Variants in CCSER1 observed in about 807,000 individuals in gnomAD.
The protein encoded by CCSER1 is serine-rich coiled-coil domain-containing protein 1.
A neutral mutation model predicts 82.0 loss-of-function variants in CCSER1; 41 were observed. That is an observed-to-expected ratio of 0.50 (90% confidence interval 0.39 to 0.65). CCSER1 has a LOEUF of 0.65. CCSER1 is among the 30% of genes least tolerant of loss of function. CCSER1 has a pLI of 0.00. For synonymous variants in CCSER1, 414 were observed against 383.9 expected (o/e 1.08, Z -0.92); for missense variants, 1,119 against 1,064.2 (o/e 1.05, Z -0.72).
chr4:90,509,966 A>G (rs1771256583), intron 5 of CCSER1, among the ~76,000 whole-genome samples: 1 of 152,172 alleles, frequency 6.6e-6, no homozygotes, highest in Non-Finnish European at 1.5e-5. Context: ...CATAGTGATT[A>G]AATCTGTGTC....
intron 1 of CCSER1, among the ~76,000 whole-genome samples, chr4:90,264,809 TG>T (rs1414654439): frequency 2.0e-5 from 3 of 152,146 alleles, no homozygotes; most frequent in Non-Finnish European, 4.4e-5. Context: ...AAGGTTATCT[TG>T]ATGATTATGA....
chr4:91,212,291 G>T (rs1736880313), intron 10 of CCSER1, among the ~76,000 whole-genome samples: 1 of 151,826 alleles, frequency 6.6e-6, no homozygotes, highest in Non-Finnish European at 1.5e-5. Flanking sequence ...TTGTAAAATT[G>T]AGCTGTGCTC....
intron 9 of CCSER1, among the ~76,000 whole-genome samples, chr4:91,038,414 A>G (rs1470460052): frequency 1.3e-5 from 2 of 149,934 alleles, no homozygotes; most frequent in Non-Finnish European, 3.0e-5. Flanking sequence ...CTACAAATAA[A>G]CAATTAGCAA....
rs532078842 is a variant in CCSER1, at chr4:90,198,294, G to C, written c.-42+70463G>C. 5.5e-4 allele frequency among the ~76,000 whole-genome samples: 83 copies of C among 152,048 alleles called. 3 individuals are homozygous for C. In the South Asian group the frequency reaches 0.017, roughly 31 times the overall value. On this transcript the variant is annotated intron_variant, in intron 1 of 10. Transcript: ENST00000509176. ...CCCCTGGCAAATACTCCCCCATCCTGAGGCTATCCAGGCTATGCTGATTAG... is the reference window on the plus strand; with the variant it reads ...CCCCTGGCAAATACTCCCCCATCCTCAGGCTATCCAGGCTATGCTGATTAG...
At chr4:90,711,195 T>C (rs1740547683) in intron 6 of CCSER1, among the ~76,000 whole-genome samples, 1 of 152,184 alleles carries the variant, frequency 6.6e-6, no homozygotes, top group Non-Finnish European at 1.5e-5. Context: ...CCTGAGACTT[T>C]GCTGAAATTG....
At chr4:90,136,274 G>A (rs146933819) in intron 1 of CCSER1, among the ~76,000 whole-genome samples, 6 of 152,164 alleles carry the variant, frequency 3.9e-5, no homozygotes, top group African/African-American at 1.2e-4. Context: ...GATTGCATGA[G>A]CCTAGGAGTT....
chr4:91,351,699 T>C (rs1480607359), intron 10 of CCSER1, among the ~76,000 whole-genome samples: 4 of 152,120 alleles, frequency 2.6e-5, no homozygotes, highest in Admixed American at 6.5e-5. Flanking sequence ...CTCTTAAGAA[T>C]GAGAGAGAAT....
intron 8 of CCSER1, among the ~76,000 whole-genome samples, chr4:90,854,349 A>G (rs1764223577): frequency 6.6e-6 from 1 of 152,144 alleles, no homozygotes; most frequent in Non-Finnish European, 1.5e-5. Flanking sequence ...GTATAGATTT[A>G]CTCCAAGTAG....
intron 5 of CCSER1, among the ~76,000 whole-genome samples, chr4:90,471,294 G>A (rs1028739091): frequency 1.3e-5 from 2 of 151,850 alleles, no homozygotes; most frequent in African/African-American, 4.8e-5. Flanking sequence ...TAACCCCTGG[G>A]CACTGTGGCT....
chr4:91,079,940 G>C (rs7666626), intron 9 of CCSER1, among the ~76,000 whole-genome samples: 1 of 151,812 alleles, frequency 6.6e-6, no homozygotes, highest in South Asian at 2.1e-4. Flanking sequence ...ACCTAAAAAG[G>C]GACTTAGACT....
intron 8 of CCSER1, among the ~76,000 whole-genome samples, chr4:90,825,495 C>T (rs192175568): frequency 9.2e-5 from 14 of 152,094 alleles, no homozygotes; most frequent in South Asian, 4.1e-4. Flanking sequence ...AAATATATAA[C>T]GCATGTTCCT....
At chr4:90,223,949 A>G (rs948801373) in intron 1 of CCSER1, among the ~76,000 whole-genome samples, 8 of 152,344 alleles carry the variant, frequency 5.3e-5, no homozygotes, top group Admixed American at 2.6e-4. Flanking sequence ...TCATCTTTGT[A>G]TCTCAGTGCC....
chr4:91,271,391 T>G (rs1481635393), intron 10 of CCSER1, among the ~76,000 whole-genome samples: 1 of 152,096 alleles, frequency 6.6e-6, no homozygotes, highest in African/African-American at 2.4e-5. Context: ...CTGCACCCAG[T>G]TTGTAGTCTT....
chr4:90,856,592 G>A (rs999223730), intron 8 of CCSER1, among the ~76,000 whole-genome samples: 30 of 152,088 alleles, frequency 2.0e-4, no homozygotes, highest in African/African-American at 6.7e-4. Flanking sequence ...CATCTTCCCC[G>A]ACGTAAAAGA....
At chr4:90,882,362 A>G (rs1401185794) in intron 8 of CCSER1, among the ~76,000 whole-genome samples, 4 of 151,978 alleles carry the variant, frequency 2.6e-5, no homozygotes, top group African/African-American at 9.7e-5. Flanking sequence ...AAAGCACAAA[A>G]TTGTGAATAC....
intron 10 of CCSER1, among the ~76,000 whole-genome samples, chr4:91,363,735 A>G (rs182769044): frequency 6.6e-6 from 1 of 151,920 alleles, no homozygotes; most frequent in East Asian, 1.9e-4. Flanking sequence ...GAACACATTA[A>G]TTTAGATATG....
At chr4:90,580,509 A>G (rs1781309653) in intron 5 of CCSER1, among the ~76,000 whole-genome samples, 1 of 152,146 alleles carries the variant, frequency 6.6e-6, no homozygotes. Context: ...TGTAAATCAT[A>G]TTGTTAGTGT....
intron 8 of CCSER1, among the ~76,000 whole-genome samples, chr4:90,837,868 A>G (rs950550491): frequency 2.6e-5 from 4 of 152,162 alleles, no homozygotes; most frequent in Non-Finnish European, 5.9e-5. Context: ...TAAGGATGAT[A>G]TTATATGGGA....
intron 3 of CCSER1, among the ~76,000 whole-genome samples, chr4:90,317,077 G>T (rs1409084070): frequency 1.3e-5 from 2 of 152,102 alleles, no homozygotes; most frequent in Non-Finnish European, 2.9e-5. Context: ...TTTCTTTAAA[G>T]AACTTACTTC....
Sources: gnomAD v4.1 joint callset for allele counts (sites outside exome capture counted in the v4.1 genomes callset) on GRCh38, gnomAD v4.1.1 for gene constraint, MANE v1.5 for transcripts, NCBI Gene and HGNC (gene_info 2026-07-23, HGNC 2026-07-21) for gene names.